The following ADPGK variants were observed in gnomAD, a reference collection of about 807,000 sequenced individuals.
ADPGK encodes ADP dependent glucokinase.
In ADPGK, 26 loss-of-function variants were observed where a neutral mutation model predicts 42.4. That is an observed-to-expected ratio of 0.61 (90% CI 0.45 to 0.85). The LOEUF (loss-of-function observed/expected upper bound fraction) is 0.85. ADPGK is among the 40% of genes least tolerant of loss of function. The pLI is 0.00. For synonymous variants in ADPGK, 267 were observed against 252.6 expected (o/e 1.06, Z -0.54); for missense variants, 571 against 627.0 (o/e 0.91, Z 0.95).
rs142541366 is a variant in ADPGK, at chr15:72,758,058, C to T, written c.644-1611G>A. 3.7e-6 allele frequency: 6 copies of T among 1,607,534 alleles called. No individual in the cohort carries two copies. In the East Asian group the frequency reaches 1.3e-4, roughly 36 times the overall value. On this transcript the variant is annotated intron_variant, in intron 4 of 6. Coordinates refer to ENST00000456471, the MANE Select transcript of ADPGK (RefSeq NM_001365225.1). Reference sequence around the variant, plus strand: ...AGATCTGTGAAATTCTGTAACAGTGCCATTACCTCCAAGAGTCTCTTCCTC... The same window carrying T: ...AGATCTGTGAAATTCTGTAACAGTGTCATTACCTCCAAGAGTCTCTTCCTC...
chr15:72,759,119 G>T (rs2151074085), intron 4 of ADPGK, among the ~76,000 whole-genome samples: 1 of 152,220 alleles, frequency 6.6e-6, no homozygotes, highest in African/African-American at 2.4e-5. Flanking sequence ...TGTATTTTTA[G>T]TAGAGACGGG....
intron 3 of ADPGK, among the ~76,000 whole-genome samples, chr15:72,765,068 T>C (rs2066241471): frequency 6.6e-6 from 1 of 151,868 alleles, no homozygotes; most frequent in South Asian, 2.1e-4. Context: ...AGAGCTCTGA[T>C]GGAAATGTAT....
At position 72,751,397 on chromosome 15, in the gene ADPGK, T is replaced by A. The variant is rs1213603603; in HGVS notation, c.*944A>T. ...GAAATGTAAATTGTTTTTAATATAT[T>A]TAAGAGCACACAGAAGTCTTGATTT... On this transcript the variant is annotated 3_prime_UTR_variant, in exon 7 of 7. Coordinates refer to ENST00000456471, the MANE Select transcript of ADPGK (RefSeq NM_001365225.1). 6.6e-6 allele frequency: 1 copy of A among 152,568 alleles called. No homozygotes were observed. The highest frequency in any genetic ancestry group is 1.5e-5 in the Non-Finnish European group (1 of 68,016). The allele number at this position is 152,568 out of a possible 1,614,324, so 9.5% of individuals were successfully genotyped here. A position where few individuals can be genotyped will look rare whatever the true frequency, so the allele number is the denominator to read the frequency against.
intron 1 of ADPGK, among the ~76,000 whole-genome samples, chr15:72,782,543 AAAAAAC>A (rs951946449): frequency 3.3e-5 from 5 of 151,086 alleles, no homozygotes; most frequent in African/African-American, 1.2e-4. Flanking sequence ...AAAAAAAAAA[AAAAAAC>A]CCCAAAATTA....
chr15:72,759,083 GC>G (rs1344829778), intron 4 of ADPGK, among the ~76,000 whole-genome samples: 9 of 152,116 alleles, frequency 5.9e-5, no homozygotes, highest in African/African-American at 2.2e-4. Context: ...GATTATAGGC[GC>G]CCGCCTCCAC....
At chr15:72,756,139 A>C in intron 5 of ADPGK, 112 bp downstream of exon 5, 1 of 1,340,278 alleles carries the variant, frequency 7.5e-7, no homozygotes, top group Non-Finnish European at 1.1e-6. Flanking sequence ...AGCTGCCAAG[A>C]TATGTCCCTG....
At chr15:72,778,828 C>G (rs992937123) in intron 1 of ADPGK, among the ~76,000 whole-genome samples, 1 of 152,094 alleles carries the variant, frequency 6.6e-6, no homozygotes, top group Non-Finnish European at 1.5e-5. Context: ...GGCAGTGGTC[C>G]CTGTGCTGAA....
intron 4 of ADPGK, chr15:72,758,379 C>A: frequency 1.8e-6 from 1 of 567,586 alleles, no homozygotes; most frequent in Non-Finnish European, 3.2e-6. Flanking sequence ...GGATTCCCAG[C>A]CCAAGCCTGA....
intron 2 of ADPGK, among the ~76,000 whole-genome samples, chr15:72,773,959 C>T (rs2066358599): frequency 6.6e-6 from 1 of 152,146 alleles, no homozygotes; most frequent in Admixed American, 6.5e-5. Context: ...GCCTTGACCT[C>T]CCGGGCTCAG....
At chr15:72,753,018 G>A (rs1595785768) in intron 6 of ADPGK, 123 bp from the exon 7 acceptor site, 1 of 960,040 alleles carries the variant, frequency 1.0e-6, no homozygotes, top group East Asian at 2.6e-5. Flanking sequence ...CTTGATACAG[G>A]ACTCCCTGGC....
At chr15:72,753,559 G>C (rs1172402920) in intron 6 of ADPGK, among the ~76,000 whole-genome samples, 1 of 152,162 alleles carries the variant, frequency 6.6e-6, no homozygotes, top group Non-Finnish European at 1.5e-5. Flanking sequence ...CACACTTAAG[G>C]TAACAATTTT....
At chr15:72,763,987 C>A (rs1042173830) in intron 3 of ADPGK, among the ~76,000 whole-genome samples, 1 of 152,116 alleles carries the variant, frequency 6.6e-6, no homozygotes, top group African/African-American at 2.4e-5. Context: ...GTGTTCTGAC[C>A]ACTCCATGGA....
intron 3 of ADPGK, among the ~76,000 whole-genome samples, chr15:72,766,146 C>T (rs1258171542): frequency 2.0e-5 from 3 of 152,052 alleles, no homozygotes; most frequent in Non-Finnish European, 4.4e-5. Flanking sequence ...CGCCACCATG[C>T]CTAGCTAATT....
At chr15:72,758,431 A>G (rs1014490067) in intron 4 of ADPGK, 17 of 403,580 alleles carry the variant, frequency 4.2e-5, no homozygotes, top group African/African-American at 2.1e-4. Context: ...GAGAATGTGG[A>G]AAAAAAAATG....
At position 72,775,134 on chromosome 15, in the gene ADPGK, A is replaced by G. The variant is rs1178571771; in HGVS notation, c.234-37T>C. 34 of 1,538,208 alleles carry G rather than the reference A, an allele frequency of 2.2e-5. No individual in the cohort carries two copies. The East Asian group carries it at 7.7e-4, about 35-fold the overall frequency. On this transcript the variant is annotated intron_variant, in intron 1 of 6. Coordinates refer to ENST00000456471, the MANE Select transcript of ADPGK (RefSeq NM_001365225.1). ...AAAAAAACTGTGTGAAAGCAGCAGAAGCACCAAGTAGCCATTTTGCATTTA... is the reference window on the plus strand; with the variant it reads ...AAAAAAACTGTGTGAAAGCAGCAGAGGCACCAAGTAGCCATTTTGCATTTA...
At chr15:72,764,003 T>C (rs1595795085) in intron 3 of ADPGK, among the ~76,000 whole-genome samples, 1 of 152,196 alleles carries the variant, frequency 6.6e-6, no homozygotes, top group African/African-American at 2.4e-5. Context: ...ATGGACTGGC[T>C]GTTCCCATCT....
At chr15:72,758,430 G>A (rs2066145099) in intron 4 of ADPGK, 1 of 418,884 alleles carries the variant, frequency 2.4e-6, no homozygotes, top group South Asian at 2.6e-5. Context: ...AGAGAATGTG[G>A]AAAAAAAAAT....
At chr15:72,762,425 A>T (rs2066206979) in intron 3 of ADPGK, among the ~76,000 whole-genome samples, 1 of 152,128 alleles carries the variant, frequency 6.6e-6, no homozygotes, top group Non-Finnish European at 1.5e-5. Flanking sequence ...AAGAAATCCC[A>T]CCTTCTGGAT....
Position 72,752,749 on chromosome 15 carries a change from G to C in ADPGK, c.1086C>G (p.Ile362Met), listed in dbSNP as rs1347133348. 11 of 1,614,074 alleles carry C rather than the reference G, an allele frequency of 6.8e-6. No individual in the cohort carries two copies. The highest frequency in any genetic ancestry group is 1.3e-5 in the African/African-American group (1 of 74,916). Residue 362 changes from isoleucine to methionine, a missense_variant, in exon 7 of 7, where the codon ATC (isoleucine) becomes ATG (methionine). By Grantham distance (10) the Ile-to-Met change is conservative. Transcript: ENST00000456471. ...VGMVSDILFWILKEHGRSKSR... is the reference protein window; with the variant it reads ...VGMVSDILFWMLKEHGRSKSR... ...TTTTACTCCTCCCATGTTCTTTCAA[G>C]ATCCAGAAGAGGATGTCACTGACCA...
Sources: allele counts gnomAD v4.1 joint callset (sites outside exome capture counted in the v4.1 genomes callset), GRCh38; gene constraint gnomAD v4.1.1; transcripts MANE v1.5; gene names NCBI Gene and HGNC (gene_info 2026-07-23, HGNC 2026-07-21).